CPA6: variants seen among roughly 807,000 people sequenced by gnomAD.
CPA6 encodes the protein carboxypeptidase B.
Under a neutral mutation model 63.3 loss-of-function variants are expected in CPA6, and 58 were observed. That is an observed-to-expected ratio of 0.92 (90% CI 0.74 to 1.14). The LOEUF (loss-of-function observed/expected upper bound fraction) is 1.14. Ranked by LOEUF, CPA6 falls within the 50% of genes most tolerant of loss-of-function variation. The pLI, the probability that CPA6 is intolerant of heterozygous loss-of-function variation, is 0.00. For missense variants in CPA6, 565 were observed against 526.6 expected (o/e 1.07, Z -0.71); for synonymous variants, 185 against 179.0 (o/e 1.03, Z -0.27).
At chr8:67,544,107 A>C (rs534267328) in intron 2 of CPA6, among the ~76,000 whole-genome samples, 1 of 152,282 alleles carries the variant, frequency 6.6e-6, no homozygotes, top group Admixed American at 6.5e-5. Context: ...ATTTTTTAAA[A>C]TTCCTGACCA....
chr8:67,486,217 T>A lies in CPA6; in HGVS notation c.637-1428A>T, dbSNP rs150968293. Among the ~76,000 whole-genome samples, 512 of 152,360 alleles carry A rather than the reference T, an allele frequency of 3.4e-3. 4 individuals carry two copies. The highest frequency in any genetic ancestry group is 0.012 in the African/African-American group (483 of 41,582). On this transcript the variant is annotated intron_variant, in intron 6 of 10. Coordinates refer to ENST00000297770, the MANE Select transcript of CPA6 (RefSeq NM_020361.5). Reference sequence around the variant, plus strand: ...CCCATTTGGTTATGATGTGTATTTTTAATATGTTGGTTGGATTCAGGTTGC... The same window carrying A: ...CCCATTTGGTTATGATGTGTATTTTAAATATGTTGGTTGGATTCAGGTTGC...
chr8:67,464,226 A>G (rs1256825422), intron 8 of CPA6, among the ~76,000 whole-genome samples: 1 of 152,174 alleles, frequency 6.6e-6, no homozygotes, highest in Non-Finnish European at 1.5e-5. Context: ...GTGAGATCGT[A>G]TCTCATTGTA....
At chr8:67,639,273 T>A (rs1485591145) in intron 1 of CPA6, among the ~76,000 whole-genome samples, 1 of 151,670 alleles carries the variant, frequency 6.6e-6, no homozygotes, top group East Asian at 1.9e-4. Flanking sequence ...CAGTGGTGCC[T>A]TTGCCTGAGT....
chr8:67,741,994 G>C (rs569877596), intron 1 of CPA6, among the ~76,000 whole-genome samples: 139 of 152,194 alleles, frequency 9.1e-4, no homozygotes, highest in Admixed American at 2.2e-3. Context: ...TGATGTGTAG[G>C]CAATTTTCTC....
At chr8:67,579,284 G>T (rs1813705708) in intron 2 of CPA6, among the ~76,000 whole-genome samples, 1 of 152,120 alleles carries the variant, frequency 6.6e-6, no homozygotes, top group African/African-American at 2.4e-5. Flanking sequence ...GTGGTGGTGG[G>T]TGCCTGTAAT....
intron 6 of CPA6, among the ~76,000 whole-genome samples, chr8:67,493,665 A>G (rs1359481062): frequency 6.6e-6 from 1 of 152,076 alleles, no homozygotes; most frequent in African/African-American, 2.4e-5. Context: ...TGCAATAGAG[A>G]TGGTTTTCCA....
chr8:67,664,107 C>T (rs1018531042), intron 1 of CPA6, among the ~76,000 whole-genome samples: 76 of 152,302 alleles, frequency 5.0e-4, no homozygotes, highest in African/African-American at 1.7e-3. Flanking sequence ...TATAGACATT[C>T]ATTCATTGTG....
chr8:67,551,677 T>C (rs1272191908), intron 2 of CPA6, among the ~76,000 whole-genome samples: 1 of 152,244 alleles, frequency 6.6e-6, no homozygotes, highest in Non-Finnish European at 1.5e-5. Context: ...TCCATTTGTT[T>C]ATATCATCTA....
intron 2 of CPA6, among the ~76,000 whole-genome samples, chr8:67,594,010 A>C (rs1183871525): frequency 6.6e-6 from 1 of 150,814 alleles, no homozygotes; most frequent in African/African-American, 2.4e-5. Flanking sequence ...ATGATTTTGC[A>C]GCGGCTGGTA....
At chr8:67,663,716 C>G (rs763584223) in intron 1 of CPA6, among the ~76,000 whole-genome samples, 1 of 152,092 alleles carries the variant, frequency 6.6e-6, no homozygotes, top group Non-Finnish European at 1.5e-5. Context: ...TCCTTTTTTA[C>G]GGCTGCATAG....
At chr8:67,668,638 G>A (rs1272657479) in intron 1 of CPA6, among the ~76,000 whole-genome samples, 7 of 152,142 alleles carry the variant, frequency 4.6e-5, no homozygotes, top group African/African-American at 1.2e-4. Flanking sequence ...GTGATGGATT[G>A]ATTTGTTTCA....
chr8:67,609,576 G>C (rs1814750738), intron 2 of CPA6, among the ~76,000 whole-genome samples: 1 of 152,158 alleles, frequency 6.6e-6, no homozygotes, highest in Admixed American at 6.5e-5. Flanking sequence ...TTATGTTCCT[G>C]AAAGAAATTA....
chr8:67,580,613 T>G (rs1199830956), intron 2 of CPA6, among the ~76,000 whole-genome samples: 1 of 152,140 alleles, frequency 6.6e-6, no homozygotes, highest in Non-Finnish European at 1.5e-5. Context: ...TTGGAAATAG[T>G]TCTTGAAATT....
rs150477940 is a variant in CPA6 at position 67,434,080 on chromosome 8, G to A, written c.999C>T (p.Pro333=). 3 of 1,613,630 alleles carry A rather than the reference G, an allele frequency of 1.9e-6. No individual in the cohort carries two copies. Among genetic ancestry groups the A allele is most frequent in the African/African-American group, 2.7e-5 (2 of 75,014 alleles). The stretch of plus-strand genomic sequence containing the variant: ...GAATTGTTGCATATTTGTAAGAATA[G>A]GGATACAGTAACATCTGAGCATATG... ...FHAYAQMLLY[P]YSYKYATIPN... The change falls in exon 9 of 11, where the codon CCC becomes CCT. Residue 333 remains proline, a synonymous_variant. Coordinates refer to ENST00000297770, the MANE Select transcript of CPA6 (RefSeq NM_020361.5).
intron 8 of CPA6, among the ~76,000 whole-genome samples, chr8:67,434,633 AC>A (rs920920792): frequency 3.3e-5 from 5 of 152,246 alleles, no homozygotes; most frequent in African/African-American, 1.2e-4. Flanking sequence ...CGTCTGCTCC[AC>A]CCCTGCTGCC....
rs77232938 is a variant in CPA6 at position 67,649,346 on chromosome 8, C to T, written c.117-25095G>A. Among the ~76,000 whole-genome samples, 11 of 152,286 alleles carry T rather than the reference C, an allele frequency of 7.2e-5. No individual in the cohort carries two copies. In the East Asian group the frequency reaches 2.1e-3, roughly 29 times the overall value. On this transcript the variant is annotated intron_variant, in intron 1 of 10. Transcript: ENST00000297770. ...ACTGAACTAAAGAGTCTGCAGGGAA[C>T]TTGTCTCTTTGTAATGTTTGATGTT... is the stretch of plus-strand genomic sequence containing the variant.
intron 4 of CPA6, among the ~76,000 whole-genome samples, chr8:67,510,934 G>T (rs1033446579): frequency 6.6e-6 from 1 of 152,272 alleles, no homozygotes; most frequent in Middle Eastern, 3.4e-3. Context: ...ACTAGGTGTT[G>T]GTGGAGGAGG....
chr8:67,659,717 A>C (rs1201324200), intron 1 of CPA6, among the ~76,000 whole-genome samples: 13 of 152,264 alleles, frequency 8.5e-5, no homozygotes, highest in Non-Finnish European at 1.5e-5. Context: ...GTAGTCAATC[A>C]GCTGAATGCT....
chr8:67,633,612 C>G (rs1056039791), intron 1 of CPA6, among the ~76,000 whole-genome samples: 1 of 145,916 alleles, frequency 6.9e-6, no homozygotes, highest in Non-Finnish European at 1.5e-5. Flanking sequence ...ACCAGGGAGG[C>G]GGAGCTTGCA....
Sources: gnomAD v4.1 joint callset for allele counts (sites outside exome capture counted in the v4.1 genomes callset) on GRCh38, gnomAD v4.1.1 for gene constraint, MANE v1.5 for transcripts, NCBI Gene and HGNC (gene_info 2026-07-23, HGNC 2026-07-21) for gene names.